Variants in RIMS1 observed in about 807,000 individuals in gnomAD.
The protein encoded by RIMS1 is regulating synaptic membrane exocytosis 1.
Under a neutral mutation model 214.1 loss-of-function variants are expected in RIMS1, and 83 were observed. The ratio of observed to expected loss-of-function variants is 0.39; its 90% CI spans 0.32 to 0.47. RIMS1 has a LOEUF of 0.47. Ranked by LOEUF, RIMS1 falls within the 20% of genes least tolerant of loss-of-function variation. The pLI, the probability that RIMS1 is intolerant of heterozygous loss-of-function variation, is 0.99. For synonymous variants in RIMS1, 793 were observed against 786.8 expected (o/e 1.01, Z -0.13); for missense variants, 2,050 against 2,161.8 (o/e 0.95, Z 1.03).
chr6:71,968,888 C>T lies in RIMS1; in HGVS notation c.165-95C>T. ...GTTGAAGGGGCTTTCAAAGACTTTC[C>T]CTTAGAGTGTTTTTCAGTACCGTGT... On this transcript the variant is annotated intron_variant, in intron 1 of 33. Transcript: ENST00000521978. The T allele has an allele frequency of 2.4e-6, 3 of 1,259,510 alleles. No homozygotes were observed. The South Asian group carries it at 3.7e-5, about 15-fold the overall frequency. 78.0% of individuals were successfully genotyped at this position (1,259,510 alleles called of 1,614,324 possible).
intron 1 of RIMS1, among the ~76,000 whole-genome samples, chr6:71,959,727 A>G (rs530719354): frequency 6.6e-6 from 1 of 152,216 alleles, no homozygotes; most frequent in South Asian, 2.1e-4. Context: ...GAAATATTCT[A>G]TTGTAATTTT....
intron 2 of RIMS1, among the ~76,000 whole-genome samples, chr6:72,001,150 C>T (rs1805078020): frequency 6.6e-6 from 1 of 152,154 alleles, no homozygotes; most frequent in Non-Finnish European, 1.5e-5. Context: ...AACTTGATCT[C>T]CTTAGCATAC....
At chr6:71,977,229 T>G (rs977904474) in intron 2 of RIMS1, among the ~76,000 whole-genome samples, 1 of 152,168 alleles carries the variant, frequency 6.6e-6, no homozygotes, top group Non-Finnish European at 1.5e-5. Flanking sequence ...TCTTGCACCC[T>G]TGCTGCTGCT....
intron 29 of RIMS1, among the ~76,000 whole-genome samples, chr6:72,347,349 A>G (rs573890379): frequency 6.6e-6 from 1 of 150,386 alleles, no homozygotes; most frequent in African/African-American, 2.4e-5. Context: ...GTTTTCTGGA[A>G]TGAAAGAAAC....
At chr6:72,293,740 T>A (rs2093727892) in intron 26 of RIMS1, among the ~76,000 whole-genome samples, 1 of 151,800 alleles carries the variant, frequency 6.6e-6, no homozygotes, top group East Asian at 1.9e-4. Context: ...ATAAGTTGTA[T>A]TGTATGTTGG....
chr6:72,250,251 T>C, intron 12 of RIMS1, 79 bp from the exon 13 acceptor site: 1 of 1,357,058 alleles, frequency 7.4e-7, no homozygotes, highest in Non-Finnish European at 1.0e-6. Context: ...CTCATTTAAA[T>C]ATAACTTGAA....
intron 20 of RIMS1, 94 bp downstream of exon 20, chr6:72,265,146 T>G: frequency 1.4e-6 from 1 of 710,944 alleles, no homozygotes; most frequent in Non-Finnish European, 2.3e-6. Context: ...AATAAAATAT[T>G]AAATAGGAAA....
At chr6:72,186,784 C>T (rs1045664929) in intron 6 of RIMS1, among the ~76,000 whole-genome samples, 1 of 151,362 alleles carries the variant, frequency 6.6e-6, no homozygotes, top group Non-Finnish European at 1.5e-5. Flanking sequence ...TATGTACCCC[C>T]CCCCATATAT....
At chr6:71,908,491 C>A (rs1047470936) in intron 1 of RIMS1, among the ~76,000 whole-genome samples, 1 of 152,150 alleles carries the variant, frequency 6.6e-6, no homozygotes, top group African/African-American at 2.4e-5. Flanking sequence ...TTCATATGAG[C>A]CTCCTCTACA....
At chr6:72,258,398 A>T in intron 17 of RIMS1, 117 bp downstream of exon 17, 3 of 1,162,564 alleles carry the variant, frequency 2.6e-6, no homozygotes, top group Non-Finnish European at 3.5e-6. Context: ...TTTTTTTCAG[A>T]ATTAATTGTA....
At chr6:72,031,314 T>C (rs534067852) in intron 2 of RIMS1, among the ~76,000 whole-genome samples, 49 of 152,242 alleles carry the variant, frequency 3.2e-4, no homozygotes, top group Middle Eastern at 3.4e-3. Context: ...TATTTAGCAG[T>C]ATATAAATGA....
Position 72,290,880 on chromosome 6 carries a change from C to G in RIMS1, c.3737+19C>G. 6.2e-7 allele frequency: 1 copy of G among 1,609,130 alleles called. No individual in the cohort carries two copies. On this transcript the variant is annotated intron_variant, in intron 25 of 33. Transcript: ENST00000521978. ...TGACAAGGTCGCTATTCAGTGTCCC[C>G]CTCAGCATTCATGTCCTGCCTCCGG...
chr6:72,392,871 A>G, intron 31 of RIMS1, 61 bp downstream of exon 31: 1 of 1,182,894 alleles, frequency 8.5e-7, no homozygotes, highest in Admixed American at 2.0e-5. Context: ...AAAGTCATTT[A>G]AAATATTTAA....
chr6:72,187,367 T>C (rs1210034485), intron 6 of RIMS1, among the ~76,000 whole-genome samples: 1 of 152,202 alleles, frequency 6.6e-6, no homozygotes, highest in African/African-American at 2.4e-5. Context: ...TTATCTTGAC[T>C]GCCTTTTGTG....
chr6:72,327,399 G>A (rs1048995205), intron 28 of RIMS1, among the ~76,000 whole-genome samples: 2 of 151,570 alleles, frequency 1.3e-5, no homozygotes, highest in Non-Finnish European at 3.0e-5. Flanking sequence ...AACACATTTT[G>A]TTTCTCTATT....
In RIMS1 at chr6:72,316,920, G is replaced by A. The variant is rs139529328; in HGVS notation, c.4130+3248G>A. The A allele has an allele frequency of 4.5e-3, 3,280 of 729,992 alleles. 33 individuals are homozygous for A. The highest frequency in any genetic ancestry group is 0.028 in the Admixed American group (1,461 of 51,980). The allele number at this position is 729,992 out of a possible 1,614,324, so 45.2% of individuals were successfully genotyped here. On this transcript the variant is annotated intron_variant, in intron 28 of 33. Coordinates refer to ENST00000521978, the MANE Select transcript of RIMS1 (RefSeq NM_014989.7). ...CCCACTGGACAGCCACCCAAGAACTGAGGTGTCCTGCAGTAGAGTGGAGAG... is the reference window on the plus strand; with the variant it reads ...CCCACTGGACAGCCACCCAAGAACTAAGGTGTCCTGCAGTAGAGTGGAGAG...
rs769717992 is a variant in RIMS1 at position 72,019,109 on chromosome 6, A to G, written c.245+50046A>G. Among the ~76,000 whole-genome samples, 63 of 152,334 alleles carry G rather than the reference A, an allele frequency of 4.1e-4. No homozygotes were observed. The Middle Eastern group carries it at 0.01, about 25-fold the overall frequency. On this transcript the variant is annotated intron_variant, in intron 2 of 33. Transcript: ENST00000521978. The stretch of plus-strand genomic sequence containing the variant: ...TGGCTCTTACTATATTTTCATACTA[A>G]AAATTCCTTATGTGGTATTACTTCA...
Position 72,250,475 on chromosome 6 carries a change from T to TA in RIMS1, c.2372+16dup. 6.6e-7 allele frequency: 1 copy of TA among 1,510,976 alleles called. No individual in the cohort carries two copies. The allele number at this position is 1,510,976 out of a possible 1,614,324, so 93.6% of individuals were successfully genotyped here. A position where few individuals can be genotyped will look rare whatever the true frequency, so the allele number is the denominator to read the frequency against. On this transcript the variant is annotated intron_variant, in intron 13 of 33. Transcript: ENST00000521978. Reference sequence around the variant, plus strand: ...CCAGATAGAAGGTAGTGAATAATTTTAGAAAAAAAAAATCTTAAAATCTGT... The same window carrying TA: ...CCAGATAGAAGGTAGTGAATAATTTTAAGAAAAAAAAAATCTTAAAATCTGT...
chr6:72,179,838 T>C lies in RIMS1; in HGVS notation c.735T>C (p.Ala245=). 1 of 1,611,144 alleles carries C rather than the reference T, an allele frequency of 6.2e-7. No individual in the cohort carries two copies. The highest frequency in any genetic ancestry group is 8.5e-7 in the Non-Finnish European group (1 of 1,178,228). Residue 245 remains alanine (A), a synonymous_variant, in exon 5 of 34, where the codon GCT becomes GCC. Coordinates refer to ENST00000521978, the MANE Select transcript of RIMS1 (RefSeq NM_014989.7). ...CACCACCAGACAGGAGCAAAGGGGC[T>C]GAGCCCTCGCAGCAAGCCTTGGGGC... is the stretch of plus-strand genomic sequence containing the variant. ...PSAPPDRSKG[A]EPSQQALGPE... is the part of the protein sequence containing the mutation.
Sources: gnomAD v4.1 joint callset for allele counts (sites outside exome capture counted in the v4.1 genomes callset) on GRCh38, gnomAD v4.1.1 for gene constraint, MANE v1.5 for transcripts, NCBI Gene and HGNC (gene_info 2026-07-23, HGNC 2026-07-21) for gene names.